Variants in GHR observed in about 807,000 individuals in gnomAD.
GHR encodes the protein GH receptor.
Under a neutral mutation model 67.1 loss-of-function variants are expected in GHR, and 35 were observed. The ratio of observed to expected loss-of-function variants is 0.52; its 90% CI spans 0.40 to 0.69. The LOEUF (loss-of-function observed/expected upper bound fraction) is 0.69, where lower values mean the gene tolerates loss of function less well. Among genes scored for constraint, GHR ranks in the 30% least tolerant of loss-of-function variants. GHR has a pLI of 0.00. For missense variants in GHR, 792 were observed against 764.6 expected (o/e 1.04, Z -0.42); for synonymous variants, 272 against 269.1 (o/e 1.01, Z -0.10).
chr5:42,477,756 T>G (rs932296758), intron 1 of GHR, among the ~76,000 whole-genome samples: 33 of 152,346 alleles, frequency 2.2e-4, no homozygotes, highest in Admixed American at 5.9e-4. Flanking sequence ...TAAATTTGTT[T>G]GAGTTCATTG....
chr5:42,547,057 A>G (rs879533373), intron 1 of GHR, among the ~76,000 whole-genome samples: 1 of 152,242 alleles, frequency 6.6e-6, no homozygotes, highest in Non-Finnish European at 1.5e-5. Flanking sequence ...CACATTCAAA[A>G]TAAGATTTCA....
At chr5:42,623,332 G>A (rs906028843) in intron 2 of GHR, among the ~76,000 whole-genome samples, 1 of 152,008 alleles carries the variant, frequency 6.6e-6, no homozygotes, top group South Asian at 2.1e-4. Context: ...ACACTGTGAG[G>A]CGCTCCACCC....
chr5:42,709,648 T>C (rs1338362549), intron 6 of GHR, among the ~76,000 whole-genome samples: 1 of 152,186 alleles, frequency 6.6e-6, no homozygotes, highest in African/African-American at 2.4e-5. Context: ...TTGGGGAATT[T>C]ACAATGTAAC....
intron 3 of GHR, among the ~76,000 whole-genome samples, chr5:42,644,714 T>C (rs1029025859): frequency 2.0e-5 from 3 of 151,932 alleles, no homozygotes; most frequent in South Asian, 4.2e-4. Flanking sequence ...TGAAAGCATA[T>C]CATTAAAAAA....
intron 3 of GHR, among the ~76,000 whole-genome samples, chr5:42,685,178 G>A (rs1757078976): frequency 6.6e-6 from 1 of 152,116 alleles, no homozygotes; most frequent in African/African-American, 2.4e-5. Context: ...CCACTTATAA[G>A]TGAGAACATG....
intron 1 of GHR, among the ~76,000 whole-genome samples, chr5:42,475,001 A>C (rs1328335904): frequency 6.7e-6 from 1 of 149,254 alleles, no homozygotes; most frequent in Non-Finnish European, 1.5e-5. Context: ...CTCCTGCCTC[A>C]GCCTCCCGAG....
chr5:42,708,550 G>T (rs182732688), intron 6 of GHR, among the ~76,000 whole-genome samples: 32 of 151,960 alleles, frequency 2.1e-4, no homozygotes, highest in Admixed American at 1.3e-3. Context: ...ATAGTGATAG[G>T]TATAACCCAA....
At chr5:42,613,601 TTTGAC>T (rs1201255816) in intron 2 of GHR, among the ~76,000 whole-genome samples, 3 of 152,070 alleles carry the variant, frequency 2.0e-5, no homozygotes, top group Non-Finnish European at 4.4e-5. Flanking sequence ...ATTTCAGGGA[TTTGAC>T]TTTGACATTA....
intron 2 of GHR, among the ~76,000 whole-genome samples, chr5:42,626,641 A>G (rs936984766): frequency 6.6e-6 from 1 of 152,176 alleles, no homozygotes. Flanking sequence ...TCCTGTGACC[A>G]TGCCCCATCC....
chr5:42,622,825 A>G (rs1753517707), intron 2 of GHR, among the ~76,000 whole-genome samples: 1 of 152,176 alleles, frequency 6.6e-6, no homozygotes, highest in Non-Finnish European at 1.5e-5. Context: ...TCTCAGGATG[A>G]ATCATTGCCA....
chr5:42,580,792 C>T (rs1214855620), intron 2 of GHR, among the ~76,000 whole-genome samples: 7 of 152,194 alleles, frequency 4.6e-5, no homozygotes, highest in Non-Finnish European at 1.5e-5. Flanking sequence ...CTGTTTGAAA[C>T]ATGACAAAAT....
chr5:42,715,785 A>T (rs1190404578), intron 8 of GHR, among the ~76,000 whole-genome samples: 1 of 152,238 alleles, frequency 6.6e-6, no homozygotes, highest in Non-Finnish European at 1.5e-5. Context: ...ATTATCTTTT[A>T]AAAAATGAAA....
intron 1 of GHR, among the ~76,000 whole-genome samples, chr5:42,534,442 A>G (rs983301958): frequency 5.0e-5 from 7 of 140,612 alleles, no homozygotes; most frequent in Admixed American, 2.8e-4. Flanking sequence ...ACATGTGTAT[A>G]TGTGTATATA....
At chr5:42,661,165 G>A (rs1412881956) in intron 3 of GHR, among the ~76,000 whole-genome samples, 1 of 152,198 alleles carries the variant, frequency 6.6e-6, no homozygotes, top group Non-Finnish European at 1.5e-5. Flanking sequence ...ATGGAACCAA[G>A]TTGGAAAACA....
intron 2 of GHR, among the ~76,000 whole-genome samples, chr5:42,600,144 C>T (rs1752297280): frequency 6.6e-6 from 1 of 152,124 alleles, no homozygotes; most frequent in Non-Finnish European, 1.5e-5. Flanking sequence ...CACTTGGAGG[C>T]ATGGGTCAAT....
chr5:42,483,349 G>C (rs1263360221), intron 1 of GHR, among the ~76,000 whole-genome samples: 2 of 152,070 alleles, frequency 1.3e-5, no homozygotes, highest in Non-Finnish European at 2.9e-5. Context: ...TCCATGGCTG[G>C]GCACTTACTG....
chr5:42,622,482 G>T (rs1213741605), intron 2 of GHR, among the ~76,000 whole-genome samples: 4 of 152,154 alleles, frequency 2.6e-5, no homozygotes, highest in African/African-American at 4.8e-5. Flanking sequence ...GTATGGAAGG[G>T]CAAGGTAAGC....
In GHR at chr5:42,720,863, A is replaced by T. The variant is rs1161291085; in HGVS notation, c.*1439A>T. 6.6e-6 allele frequency: 1 copy of T among 152,236 alleles called. No individual in the cohort carries two copies. Among genetic ancestry groups the T allele is most frequent in the Non-Finnish European group, 1.5e-5 (1 of 68,038 alleles). The allele number at this position is 152,236 out of a possible 1,614,324, so 9.4% of individuals were successfully genotyped here. A position where few individuals can be genotyped will look rare whatever the true frequency, so the allele number is the denominator to read the frequency against. The stretch of plus-strand genomic sequence containing the variant: ...GCAAGCATTCAGAAGAAAAAGAAGC[A>T]ACCTCAGTAATTTAGAAATCATTTT... On this transcript the variant is annotated 3_prime_UTR_variant, in exon 10 of 10. Transcript: ENST00000230882.
chr5:42,664,075 T>G (rs1213864065), intron 3 of GHR, among the ~76,000 whole-genome samples: 1 of 152,136 alleles, frequency 6.6e-6, no homozygotes, highest in Non-Finnish European at 1.5e-5. Flanking sequence ...TACAAACCAC[T>G]GCTCAATGAA....
Sources: allele counts gnomAD v4.1 joint callset (sites outside exome capture counted in the v4.1 genomes callset), GRCh38; gene constraint gnomAD v4.1.1; transcripts MANE v1.5; gene names NCBI Gene and HGNC (gene_info 2026-07-23, HGNC 2026-07-21).